Variants in ROBO1 observed in about 807,000 individuals in gnomAD.
ROBO1 encodes the protein roundabout guidance receptor 1, also known as roundabout homolog 1.
A neutral mutation model predicts 195.9 loss-of-function variants in ROBO1; 149 were observed. The observed-to-expected ratio is 0.76, with a 90% CI of 0.67 to 0.87. The LOEUF (loss-of-function observed/expected upper bound fraction) is 0.87, where lower values mean the gene tolerates loss of function less well. Ranked by LOEUF, ROBO1 falls within the 40% of genes least tolerant of loss-of-function variation. The pLI is 0.00. For synonymous variants in ROBO1, 816 were observed against 733.2 expected, an observed-to-expected ratio of 1.11 and a Z score of -1.82; for missense variants, 1,933 against 2,068.3, an observed-to-expected ratio of 0.93 and a Z score of 1.27.
chr3:78,916,419 G>A (rs1297473693), intron 4 of ROBO1, among the ~76,000 whole-genome samples: 1 of 151,374 alleles, frequency 6.6e-6, no homozygotes, highest in Non-Finnish European at 1.5e-5. Context: ...AGGTGTGGGG[G>A]CGGGTGCCTG....
At chr3:79,309,254 A>G (rs1028536013) in intron 2 of ROBO1, among the ~76,000 whole-genome samples, 6 of 152,174 alleles carry the variant, frequency 3.9e-5, no homozygotes, top group South Asian at 2.1e-4. Context: ...TATTGTACAC[A>G]TACTAAATAA....
chr3:79,182,141 A>G (rs2081352519), intron 2 of ROBO1, among the ~76,000 whole-genome samples: 1 of 152,024 alleles, frequency 6.6e-6, no homozygotes, highest in African/African-American at 2.4e-5. Flanking sequence ...GTCGCAGTTG[A>G]TATTCACTAT....
At chr3:79,610,947 T>G (rs1349617748) in intron 1 of ROBO1, among the ~76,000 whole-genome samples, 3 of 152,112 alleles carry the variant, frequency 2.0e-5, no homozygotes, top group Admixed American at 6.6e-5. Context: ...CAGAATTAGT[T>G]TCTTCATATG....
chr3:78,670,314 AC>A lies in ROBO1; in HGVS notation c.1343-14del. 3 of 1,551,524 alleles carry A rather than the reference AC, an allele frequency of 1.9e-6. No homozygotes were observed. Among genetic ancestry groups the A allele is most frequent in the Non-Finnish European group, 2.6e-6 (3 of 1,146,496 alleles). On this transcript the variant is annotated splice_polypyrimidine_tract_variant and intron_variant, in intron 10 of 30. Coordinates refer to ENST00000464233, the MANE Select transcript of ROBO1 (RefSeq NM_002941.4). Reference sequence around the variant, plus strand: ...CGATCTGCAATCACTGCCAGAAGAAACAACAGGAAATAGATTTCTGCAACTG... The same window carrying A: ...CGATCTGCAATCACTGCCAGAAGAAAAACAGGAAATAGATTTCTGCAACTG...
At chr3:78,638,793 G>T (rs909549622) in intron 22 of ROBO1, among the ~76,000 whole-genome samples, 1 of 152,126 alleles carries the variant, frequency 6.6e-6, no homozygotes, top group Admixed American at 6.6e-5. Context: ...AGGATTAGTT[G>T]AGCCCAGGAG....
At chr3:79,294,101 TG>T (rs1301355221) in intron 2 of ROBO1, among the ~76,000 whole-genome samples, 7 of 149,254 alleles carry the variant, frequency 4.7e-5, no homozygotes, top group African/African-American at 1.7e-4. Context: ...AAAACTACTT[TG>T]AATTTCATAT....
chr3:78,822,120 A>AC (rs1466633150), intron 4 of ROBO1, among the ~76,000 whole-genome samples: 1 of 150,824 alleles, frequency 6.6e-6, no homozygotes, highest in Admixed American at 6.6e-5. Flanking sequence ...ACACACACAC[A>AC]AATGTACGGT....
At chr3:79,542,928 C>T (rs1942129818) in intron 2 of ROBO1, among the ~76,000 whole-genome samples, 1 of 151,970 alleles carries the variant, frequency 6.6e-6, no homozygotes, top group African/African-American at 2.4e-5. Flanking sequence ...TTTCTTTAAA[C>T]ATAATGGAAT....
chr3:79,683,477 C>T (rs923935313), intron 1 of ROBO1, among the ~76,000 whole-genome samples: 2 of 152,014 alleles, frequency 1.3e-5, no homozygotes, highest in African/African-American at 2.4e-5. Context: ...TTAAAGTTTA[C>T]AATTTATATC....
chr3:78,698,190 A>G (rs2081343930), intron 8 of ROBO1, among the ~76,000 whole-genome samples: 1 of 152,192 alleles, frequency 6.6e-6, no homozygotes, highest in Non-Finnish European at 1.5e-5. Flanking sequence ...ACACATTTTT[A>G]TTCAAATACA....
intron 2 of ROBO1, among the ~76,000 whole-genome samples, chr3:79,143,848 C>T (rs1019379334): frequency 2.6e-5 from 4 of 151,940 alleles, no homozygotes; most frequent in East Asian, 3.9e-4. Flanking sequence ...GTCCCACACA[C>T]TTTCCTCCCA....
At chr3:79,182,940 G>A (rs894524211) in intron 2 of ROBO1, among the ~76,000 whole-genome samples, 2 of 151,760 alleles carry the variant, frequency 1.3e-5, no homozygotes, top group Non-Finnish European at 2.9e-5. Flanking sequence ...AATTAGCCAG[G>A]TGTGGTGGCA....
chr3:79,226,776 A>G (rs78837044), intron 2 of ROBO1, among the ~76,000 whole-genome samples: 4,768 of 152,090 alleles, frequency 0.031, 220 homozygotes, highest in African/African-American at 0.1. Context: ...CAAACTGCTG[A>G]ACTCAAGCAG....
intron 2 of ROBO1, among the ~76,000 whole-genome samples, chr3:79,400,581 T>A (rs1300914213): frequency 2.0e-5 from 3 of 152,122 alleles, no homozygotes; most frequent in Non-Finnish European, 4.4e-5. Context: ...ATAAGTTAGC[T>A]GTCAAGGATG....
intron 2 of ROBO1, among the ~76,000 whole-genome samples, chr3:79,129,245 C>G (rs988475169): frequency 1.3e-5 from 2 of 152,016 alleles, no homozygotes; most frequent in African/African-American, 4.8e-5. Flanking sequence ...TTTTACAATT[C>G]AGTAAAAAGT....
At chr3:79,193,581 CTTTTTTTTTTTT>C (rs869203963) in intron 2 of ROBO1, among the ~76,000 whole-genome samples, 41 of 85,610 alleles carry the variant, frequency 4.8e-4, no homozygotes, top group African/African-American at 1.5e-3. Flanking sequence ...TGTGGTTTTG[CTTTTTTTTTTTT>C]TTTTTTTTTT....
At chr3:79,210,610 G>C (rs146223009) in intron 2 of ROBO1, among the ~76,000 whole-genome samples, 1,723 of 152,180 alleles carry the variant, frequency 0.011, 13 homozygotes, top group Non-Finnish European at 0.019. Flanking sequence ...AAGGACTAAA[G>C]GACACACAGC....
chr3:79,242,289 CTT>C (rs1444540197), intron 2 of ROBO1, among the ~76,000 whole-genome samples: 1 of 151,876 alleles, frequency 6.6e-6, no homozygotes, highest in Non-Finnish European at 1.5e-5. Flanking sequence ...AAAAAATTCT[CTT>C]TTATTTAACA....
chr3:78,687,765 G>T (rs1186929092), intron 9 of ROBO1, among the ~76,000 whole-genome samples: 1 of 151,874 alleles, frequency 6.6e-6, no homozygotes, highest in Non-Finnish European at 1.5e-5. Context: ...GCTGGGACTA[G>T]AAACATTCAC....
Sources: allele counts gnomAD v4.1 joint callset (sites outside exome capture counted in the v4.1 genomes callset), GRCh38; gene constraint gnomAD v4.1.1; transcripts MANE v1.5; gene names NCBI Gene and HGNC (gene_info 2026-07-23, HGNC 2026-07-21).